The following LY6K variants were observed in gnomAD, a reference collection of about 807,000 sequenced individuals.
The protein encoded by LY6K is lymphocyte antigen 6 family member K, also known as lymphocyte antigen 6K.
A neutral mutation model predicts 10.4 loss-of-function variants in LY6K; 9 were observed. The observed-to-expected ratio is 0.87, with a 90% CI of 0.52 to 1.52. The LOEUF is 1.52. Ranked by LOEUF, LY6K falls within the 40% of genes most tolerant of loss-of-function variation. The pLI, the probability that LY6K is intolerant of heterozygous loss-of-function variation, is 0.00. For synonymous variants in LY6K, 98 were observed against 83.7 expected (o/e 1.17, Z -0.94); for missense variants, 217 against 211.7 (o/e 1.02, Z -0.15).
rs1392701846 is a variant in LY6K, at chr8:142,704,013, G to T, written c.*642G>T. ...CACAGATTCATAAATTCCCACACGT[G>T]TGTGTTCAACATCTGAAACTTAGGC... On this transcript the variant is annotated 3_prime_UTR_variant, in exon 3 of 3. Coordinates refer to ENST00000292430, the MANE Select transcript of LY6K (RefSeq NM_017527.4). 6.6e-6 allele frequency: 1 copy of T among 152,346 alleles called. No individual in the cohort carries two copies. Among genetic ancestry groups the T allele is most frequent in the African/African-American group, 2.4e-5 (1 of 41,444 alleles). 9.4% of individuals were successfully genotyped at this position (152,346 alleles called of 1,614,324 possible).
At chr8:142,700,783 C>CGT (rs1255306948) in intron 1 of LY6K, among the ~76,000 whole-genome samples, 153 bp downstream of exon 1, 4 of 152,018 alleles carry the variant, frequency 2.6e-5, no homozygotes, top group Non-Finnish European at 5.9e-5. Context: ...AGCCTCGCCT[C>CGT]GTGCGGCTTC....
chr8:142,703,366 TC>T lies in LY6K; in HGVS notation c.494del (p.Ser165PhefsTer26). ...CTCCATTGCAGCCGGCCTCAGCCTG[TC>T]TTGAGCCACGGGACTGCCACAGACT... ...LASIAAGLSL[S>X] On this transcript the variant is annotated frameshift_variant, in exon 3 of 3. Coordinates refer to ENST00000292430, the MANE Select transcript of LY6K (RefSeq NM_017527.4). LOFTEE classifies it high-confidence loss of function. 1 of 1,609,080 alleles carries T rather than the reference TC, an allele frequency of 6.2e-7. No homozygotes were observed. Among genetic ancestry groups the T allele is most frequent in the Non-Finnish European group, 8.5e-7 (1 of 1,178,104 alleles).
At chr8:142,702,223 G>C (rs1815069178) in intron 2 of LY6K, 1 of 499,318 alleles carries the variant, frequency 2.0e-6, no homozygotes, top group Admixed American at 3.2e-5. Context: ...AATACTGGGA[G>C]GTAGGAAGAA....
At position 142,700,344 on chromosome 8, in the gene LY6K, A is replaced by C; in HGVS notation, c.-184A>C. The C allele has an allele frequency of 7.6e-7, 1 of 1,309,452 alleles. No individual in the cohort carries two copies. The highest frequency in any genetic ancestry group is 1.6e-5 in the African/African-American group (1 of 64,448). 81.1% of individuals were successfully genotyped at this position (1,309,452 alleles called of 1,614,324 possible). A position where few individuals can be genotyped will look rare whatever the true frequency, so the allele number is the denominator to read the frequency against. ...GCGTTCAGGGCCGCCAGCGGCCGCG[A>C]GGCCCTGAGATGAGGCTCCAAAGAC... On this transcript the variant is annotated 5_prime_UTR_variant, in exon 1 of 3. Coordinates refer to ENST00000292430, the MANE Select transcript of LY6K (RefSeq NM_017527.4).
intron 1 of LY6K, 147 bp downstream of exon 1, chr8:142,700,777 T>G: frequency 3.6e-6 from 3 of 840,778 alleles, no homozygotes; most frequent in Non-Finnish European, 5.0e-6. Flanking sequence ...CTGGGGAGCC[T>G]CGCCTCGTGC....
chr8:142,700,363 C>A lies in LY6K; in HGVS notation c.-165C>A. On this transcript the variant is annotated 5_prime_UTR_variant, in exon 1 of 3. Coordinates refer to ENST00000292430, the MANE Select transcript of LY6K (RefSeq NM_017527.4). ...GCCGCGAGGCCCTGAGATGAGGCTC[C>A]AAAGACCCCGACAGGCCCCGGCGGG... 1 of 1,332,554 alleles carries A rather than the reference C, an allele frequency of 7.5e-7. No individual in the cohort carries two copies. The allele number at this position is 1,332,554 out of a possible 1,614,324, so 82.5% of individuals were successfully genotyped here.
At position 142,703,250 on chromosome 8, in the gene LY6K, C is replaced by G; in HGVS notation, c.377C>G (p.Pro126Arg). 1 of 1,614,132 alleles carries G rather than the reference C, an allele frequency of 6.2e-7. No individual in the cohort carries two copies. Among genetic ancestry groups the G allele is most frequent in the South Asian group, 1.1e-5 (1 of 91,084 alleles). ...ATTCGCTACTGCAATTTAGAGGGGC[C>G]ACCTATCAACTCATCAGTGTTCAAA... ...CKIRYCNLEGPPINSSVFKEY... is the reference protein window; with the variant it reads ...CKIRYCNLEGRPINSSVFKEY... The change falls in exon 3 of 3, where the codon CCA becomes CGA. Residue 126 changes from proline to arginine, a missense_variant. Pro to Arg is a moderately radical substitution (Grantham distance 103). Transcript: ENST00000292430.
At chr8:142,702,137 A>G (rs1419721289) in intron 2 of LY6K, 3 of 311,592 alleles carry the variant, frequency 9.6e-6, no homozygotes, top group African/African-American at 4.2e-5. Context: ...GTGAAGAGCA[A>G]AGTCCTCAGA....
At position 142,703,181 on chromosome 8, in the gene LY6K, T is replaced by C. The variant is rs148824346; in HGVS notation, c.308T>C (p.Leu103Pro). The C allele has an allele frequency of 9.5e-5, 153 of 1,614,216 alleles. 1 individual carries two copies. In the African/African-American group the frequency reaches 1.8e-3, roughly 19 times the overall value. ...CCCAAGCCAGAGGAGAAGCGGTTTC[T>C]CCTGGAAGAGCCCATGCCCTTCTTT... is the stretch of plus-strand genomic sequence containing the variant. ...ERPKPEEKRFLLEEPMPFFYL... is the reference protein window; with the variant it reads ...ERPKPEEKRFPLEEPMPFFYL... Residue 103 changes from leucine to proline, a missense_variant, in exon 3 of 3, where the codon CTC (leucine) becomes CCC (proline). Transcript: ENST00000292430.
At position 142,702,903 on chromosome 8, in the gene LY6K, C is replaced by A. The variant is rs978969250; in HGVS notation, c.218-188C>A. 2.6e-6 allele frequency: 4 copies of A among 1,549,798 alleles called. No homozygotes were observed. In the African/African-American group the frequency reaches 5.5e-5, roughly 21 times the overall value. ...CAGGCCATACCACGCAGAAGCCAGC[C>A]CTTCCCTGAAGCAGCATTCAACACA... is the stretch of plus-strand genomic sequence containing the variant. On this transcript the variant is annotated intron_variant, in intron 2 of 2. Coordinates refer to ENST00000292430, the MANE Select transcript of LY6K (RefSeq NM_017527.4).
chr8:142,702,903 C>G (rs978969250), intron 2 of LY6K, 188 bp from the exon 3 acceptor site: 2 of 1,549,798 alleles, frequency 1.3e-6, no homozygotes, highest in African/African-American at 2.7e-5. Flanking sequence ...AGAAGCCAGC[C>G]CTTCCCTGAA....
Position 142,700,568 on chromosome 8 carries a change from G to T in LY6K, c.41G>T (p.Arg14Leu). The change falls in exon 1 of 3, where the codon CGG becomes CTG. Residue 14 changes from arginine to leucine, a missense_variant. By Grantham distance (102) the Arg-to-Leu change is moderately radical. Coordinates refer to ENST00000292430, the MANE Select transcript of LY6K (RefSeq NM_017527.4). ...LALLLVVALP[R>L]VWTDANLTAR... ...TTGCTGCTGGTCGTGGCCCTACCGC[G>T]GGTGTGGACAGACGCCAACCTGACT... 1 of 1,587,288 alleles carries T rather than the reference G, an allele frequency of 6.3e-7. No homozygotes were observed. The highest frequency in any genetic ancestry group is 2.4e-5 in the East Asian group (1 of 42,004).
rs1164396997 is a variant in LY6K at position 142,700,480 on chromosome 8, G to A, written c.-48G>A. 16 of 1,538,082 alleles carry A rather than the reference G, an allele frequency of 1.0e-5. No individual in the cohort carries two copies. The highest frequency in any genetic ancestry group is 6.0e-5 in the Admixed American group (3 of 49,672). On this transcript the variant is annotated 5_prime_UTR_variant, in exon 1 of 3. Transcript: ENST00000292430. Reference sequence around the variant, plus strand: ...GAGGCTGCGAAGGTTCCAGAAGGGCGGGGAGGGGGCGCCGCGCGCTGACCC... The same window carrying A: ...GAGGCTGCGAAGGTTCCAGAAGGGCAGGGAGGGGGCGCCGCGCGCTGACCC...
In LY6K at chr8:142,700,340, C is replaced by A. The variant is rs1347916228; in HGVS notation, c.-188C>A. ...ACCGGCGTTCAGGGCCGCCAGCGGC[C>A]GCGAGGCCCTGAGATGAGGCTCCAA... On this transcript the variant is annotated 5_prime_UTR_variant, in exon 1 of 3. Coordinates refer to ENST00000292430, the MANE Select transcript of LY6K (RefSeq NM_017527.4). 2 of 1,310,040 alleles carry A rather than the reference C, an allele frequency of 1.5e-6. No homozygotes were observed. Among genetic ancestry groups the A allele is most frequent in the Non-Finnish European group, 1.9e-6 (2 of 1,030,976 alleles). The allele number at this position is 1,310,040 out of a possible 1,614,324, so 81.2% of individuals were successfully genotyped here. A position where few individuals can be genotyped will look rare whatever the true frequency, so the allele number is the denominator to read the frequency against.
Position 142,703,701 on chromosome 8 carries a change from G to A in LY6K, c.*330G>A, listed in dbSNP as rs1815131865. 3.1e-6 allele frequency: 1 copy of A among 322,966 alleles called. No individual in the cohort carries two copies. Among genetic ancestry groups the A allele is most frequent in the Admixed American group, 4.6e-5 (1 of 21,696 alleles). The allele number at this position is 322,966 out of a possible 1,614,324, so 20.0% of individuals were successfully genotyped here. A position where few individuals can be genotyped will look rare whatever the true frequency, so the allele number is the denominator to read the frequency against. ...GAGGGCTTCAGTATTGATGGGGAGG[G>A]AGGCCTAAGTACCACTCATGGAGAG... On this transcript the variant is annotated 3_prime_UTR_variant, in exon 3 of 3. Transcript: ENST00000292430.
rs1346963172 is a variant in LY6K at position 142,704,397 on chromosome 8, C to G, written c.*1026C>G. Reference sequence around the variant, plus strand: ...AATTATAAAACAGAAGTAACCAAATCAGGCCTGGAAGGTGTATGCCTAGTG... The same window carrying G: ...AATTATAAAACAGAAGTAACCAAATGAGGCCTGGAAGGTGTATGCCTAGTG... On this transcript the variant is annotated 3_prime_UTR_variant, in exon 3 of 3. Transcript: ENST00000292430. 3 of 152,150 alleles carry G rather than the reference C, an allele frequency of 2.0e-5. No homozygotes were observed. Among genetic ancestry groups the G allele is most frequent in the African/African-American group, 7.2e-5 (3 of 41,430 alleles). 9.4% of individuals were successfully genotyped at this position (152,150 alleles called of 1,614,324 possible). A position where few individuals can be genotyped will look rare whatever the true frequency, so the allele number is the denominator to read the frequency against.
Position 142,701,687 on chromosome 8 carries a change from AGCCATACTGCGTTATAGCG to A in LY6K, c.195_213del (p.Tyr66Ter). ...AACCCAAGGAGGTGCAAATGGACAG[AGCCATACTGCGTTATAGCG>A]GCCGTGAGTGAGTATCTTCGCTCTT... is the stretch of plus-strand genomic sequence containing the variant. On this transcript the variant is annotated frameshift_variant, in exon 2 of 3. Transcript: ENST00000292430. LOFTEE classifies it low-confidence loss of function (END_TRUNC). 1.2e-6 allele frequency: 2 copies of A among 1,613,840 alleles called. No homozygotes were observed. Among genetic ancestry groups the A allele is most frequent in the Non-Finnish European group, 1.7e-6 (2 of 1,179,788 alleles).
Position 142,703,459 on chromosome 8 carries a change from G to A in LY6K, c.*88G>A. On this transcript the variant is annotated 3_prime_UTR_variant, in exon 3 of 3. Transcript: ENST00000292430. Reference sequence around the variant, plus strand: ...TGTTGCATTAAACTTGTTTTCTGTTGATTACCTCTTGGTTTGACTTCCCAG... The same window carrying A: ...TGTTGCATTAAACTTGTTTTCTGTTAATTACCTCTTGGTTTGACTTCCCAG... The A allele has an allele frequency of 6.7e-7, 1 of 1,484,760 alleles. No individual in the cohort carries two copies. Among genetic ancestry groups the A allele is most frequent in the Non-Finnish European group, 9.0e-7 (1 of 1,115,088 alleles). 92.0% of individuals were successfully genotyped at this position (1,484,760 alleles called of 1,614,324 possible). A position where few individuals can be genotyped will look rare whatever the true frequency, so the allele number is the denominator to read the frequency against.
rs1815004909 is a variant in LY6K, at chr8:142,701,039, T to TGGGAGGTGGGC, written c.103+411_103+412insGAGGTGGGCGG. Among the ~76,000 whole-genome samples, 7 of 47,048 alleles carry TGGGAGGTGGGC rather than the reference T, an allele frequency of 1.5e-4. No homozygotes were observed. In the Admixed American group the frequency reaches 1.8e-3, roughly 12 times the overall value. 30.9% of individuals were successfully genotyped at this position (47,048 alleles called of 152,430 possible). On this transcript the variant is annotated intron_variant, in intron 1 of 2. Coordinates refer to ENST00000292430, the MANE Select transcript of LY6K (RefSeq NM_017527.4). ...CGGGGGGCAGGACCTGGGAGGTGGGTGGACCTGGGAGGTGGGCGGGAGGGC... is the reference window on the plus strand; with the variant it reads ...CGGGGGGCAGGACCTGGGAGGTGGGTGGGAGGTGGGCGGACCTGGGAGGTGGGCGGGAGGGC...
Sources: allele counts gnomAD v4.1 joint callset (sites outside exome capture counted in the v4.1 genomes callset), GRCh38; gene constraint gnomAD v4.1.1; transcripts MANE v1.5; gene names NCBI Gene and HGNC (gene_info 2026-07-23, HGNC 2026-07-21).